LYSMD4: variants seen among roughly 807,000 people sequenced by gnomAD.
LYSMD4 encodes the protein LysM domain containing 4, also known as lysM and putative peptidoglycan-binding domain-containing protein 4.
In LYSMD4, 9 loss-of-function variants were observed where a neutral mutation model predicts 6.1. The observed-to-expected ratio is 1.47, with a 90% CI of 0.88 to 2.56. The LOEUF (loss-of-function observed/expected upper bound fraction) is 2.56, where lower values mean the gene tolerates loss of function less well. Ranked by LOEUF, LYSMD4 falls within the 30% of genes most tolerant of loss-of-function variation. The pLI is 0.00. For missense variants in LYSMD4, 384 were observed against 373.5 expected, an observed-to-expected ratio of 1.03 and a Z score of -0.23; for synonymous variants, 143 against 148.5, an observed-to-expected ratio of 0.96 and a Z score of 0.27.
At chr15:99,721,100 CG>C (rs11400710), upstream of LYSMD4, 1 of 151,954 alleles carries the variant, frequency 6.6e-6, no homozygotes. Flanking sequence ...TGGTTTACCT[CG>C]GGGTGCTAGA....
At chr15:99,733,045 C>G (rs1400004524) in intron 1 of LYSMD4, 2 of 306,814 alleles carry the variant, frequency 6.5e-6, no homozygotes, top group East Asian at 1.0e-4. Context: ...AAAGATGGGG[C>G]ACCTCAACAA....
chr15:99,732,130 ACAT>A lies in LYSMD4; in HGVS notation c.-8-126_-8-124del, dbSNP rs1010708527. ...CCTAATCGCTGCAAATACTCAGCAT[ACAT>A]CATCAACAGAAAAAAAAGAATGTGC... On this transcript the variant is annotated intron_variant, in intron 1 of 2. Coordinates refer to ENST00000684762, the MANE Select transcript of LYSMD4 (RefSeq NM_001284417.2). 58 of 1,015,414 alleles carry A rather than the reference ACAT, an allele frequency of 5.7e-5. No individual in the cohort carries two copies. The African/African-American group carries it at 8.0e-4, about 14-fold the overall frequency. 62.9% of individuals were successfully genotyped at this position (1,015,414 alleles called of 1,614,324 possible). A position where few individuals can be genotyped will look rare whatever the true frequency, so the allele number is the denominator to read the frequency against.
chr15:99,731,674 T>C lies in LYSMD4; in HGVS notation c.282+44A>G, dbSNP rs747590445. On this transcript the variant is annotated intron_variant, in intron 2 of 2. Coordinates refer to ENST00000684762, the MANE Select transcript of LYSMD4 (RefSeq NM_001284417.2). The stretch of plus-strand genomic sequence containing the variant: ...CCCACCCTGCAGTGAGTTCCCCGTG[T>C]TCCTTGAAACGGAGCGGGGCAGGGC... 8 of 1,535,682 alleles carry C rather than the reference T, an allele frequency of 5.2e-6. No homozygotes were observed. In the Admixed American group the frequency reaches 1.6e-4, roughly 31 times the overall value.
At chr15:99,733,211 C>T (rs976338026) in intron 1 of LYSMD4, 134 bp downstream of exon 1, 6 of 374,202 alleles carry the variant, frequency 1.6e-5, no homozygotes, top group Non-Finnish European at 2.8e-5. Flanking sequence ...GCCCCTCCAG[C>T]TGGAGCGTCC....
chr15:99,721,308 G>C (rs2059236086), upstream of LYSMD4, among the ~76,000 whole-genome samples: 1 of 152,294 alleles, frequency 6.6e-6, no homozygotes, highest in East Asian at 1.9e-4. Context: ...AGAAGCAGGA[G>C]GATTTAGGGA....
chr15:99,729,673 T>C lies in LYSMD4; in HGVS notation c.341A>G (p.Lys114Arg), dbSNP rs749373942. ...GTTTCTCACTGGAATCTTAACAGAT[T>C]TCAAAGCATATAAGTCTTGTTCTCT... Reference protein sequence around the residue: ...FIREQDLYALKSVKIPVRNHG... With the variant: ...FIREQDLYALRSVKIPVRNHG... The change falls in exon 3 of 3, where the codon AAA (lysine) becomes AGA (arginine). Residue 114 changes from lysine (K) to arginine (R), a missense_variant. Physicochemically the swap from Lys to Arg is conservative, Grantham distance 26 (BLOSUM62 2). Coordinates refer to ENST00000684762, the MANE Select transcript of LYSMD4 (RefSeq NM_001284417.2). 23 of 1,613,894 alleles carry C rather than the reference T, an allele frequency of 1.4e-5. No homozygotes were observed. The highest frequency in any genetic ancestry group is 1.9e-5 in the Non-Finnish European group (23 of 1,179,954).
downstream of LYSMD4, among the ~76,000 whole-genome samples, chr15:99,722,748 C>T (rs573479383): frequency 2.6e-5 from 4 of 152,242 alleles, no homozygotes; most frequent in South Asian, 2.1e-4. Context: ...GTAAAAGATG[C>T]GTTGGGCCAG....
At chr15:99,716,585 C>T in exon 1 of LYSMD4, 3 of 456,732 alleles carry the variant, frequency 6.6e-6, no homozygotes, top group Non-Finnish European at 1.3e-5. Context: ...TCATTCCTTT[C>T]ACGAAGACCT....
chr15:99,733,249 G>A (rs1597397490), intron 1 of LYSMD4, 96 bp downstream of exon 1: 1 of 380,128 alleles, frequency 2.6e-6, no homozygotes, highest in East Asian at 3.8e-5. Context: ...GGGGCGGCCC[G>A]CCCGCGAACC....
Position 99,727,475 on chromosome 15 carries a change from A to C in LYSMD4, c.*1648T>G, listed in dbSNP as rs1450842034. On this transcript the variant is annotated 3_prime_UTR_variant, in exon 3 of 3. Transcript: ENST00000684762. ...AAGGATACATTCTTTGTCTGACAAA[A>C]GTGATTTTGTCATGGAACTCCAAGG... 1 of 152,208 alleles carries C rather than the reference A, an allele frequency of 6.6e-6. No individual in the cohort carries two copies. Among genetic ancestry groups the C allele is most frequent in the African/African-American group, 2.4e-5 (1 of 41,458 alleles). The allele number at this position is 152,208 out of a possible 1,614,324, so 9.4% of individuals were successfully genotyped here. A position where few individuals can be genotyped will look rare whatever the true frequency, so the allele number is the denominator to read the frequency against.
At chr15:99,716,351 G>T in exon 1 of LYSMD4, 1 of 352,816 alleles carries the variant, frequency 2.8e-6, no homozygotes, top group South Asian at 2.2e-5. Context: ...ATTTTTCCCT[G>T]AATGTGTTGT....
At position 99,728,416 on chromosome 15, in the gene LYSMD4, T is replaced by G. The variant is rs1265672439; in HGVS notation, c.*707A>C. 1 of 152,808 alleles carries G rather than the reference T, an allele frequency of 6.5e-6. No homozygotes were observed. The highest frequency in any genetic ancestry group is 6.5e-5 in the Admixed American group (1 of 15,314). The allele number at this position is 152,808 out of a possible 1,614,324, so 9.5% of individuals were successfully genotyped here. A position where few individuals can be genotyped will look rare whatever the true frequency, so the allele number is the denominator to read the frequency against. ...CGCTGTGGGACGGCTCCTGCGGAAC[T>G]GGGCGCAGCCTGTGTGTGCTTGGCC... On this transcript the variant is annotated 3_prime_UTR_variant, in exon 3 of 3. Coordinates refer to ENST00000684762, the MANE Select transcript of LYSMD4 (RefSeq NM_001284417.2).
chr15:99,732,136 T>A (rs1567558464), intron 1 of LYSMD4, 129 bp from the exon 2 acceptor site: 2 of 948,598 alleles, frequency 2.1e-6, no homozygotes, highest in East Asian at 2.7e-5. Context: ...GCATACATCA[T>A]CAACAGAAAA....
At chr15:99,721,253 C>A (rs541816940), upstream of LYSMD4, among the ~76,000 whole-genome samples, 1 of 152,120 alleles carries the variant, frequency 6.6e-6, no homozygotes, top group African/African-American at 2.4e-5. Context: ...GATGATGCAA[C>A]AAGGAAATGG....
At chr15:99,726,076 C>T (rs2059277287), downstream of LYSMD4, among the ~76,000 whole-genome samples, 1 of 150,486 alleles carries the variant, frequency 6.6e-6, no homozygotes, top group South Asian at 2.1e-4. Context: ...CAGTCTTCCC[C>T]AAAGAGGAAA....
At chr15:99,729,756 C>A (rs2059358482) in intron 2 of LYSMD4, 25 bp from the exon 3 acceptor site, 1 of 1,574,200 alleles carries the variant, frequency 6.4e-7, no homozygotes, top group Non-Finnish European at 8.6e-7. Context: ...AGATAAACAT[C>A]ATAAAATATG....
downstream of LYSMD4, among the ~76,000 whole-genome samples, chr15:99,723,041 T>G (rs113488143): frequency 0.019 from 2,868 of 151,550 alleles, 44 homozygotes; most frequent in African/African-American, 0.041. Flanking sequence ...GTTTTGTTTT[T>G]TTTTTAAAAA....
In LYSMD4 at chr15:99,729,141, G is replaced by A. The variant is rs754267618; in HGVS notation, c.873C>T (p.Thr291=). 3.3e-5 allele frequency: 54 copies of A among 1,613,458 alleles called. No homozygotes were observed. The South Asian group carries it at 5.8e-4, about 17-fold the overall frequency. ...ACAAAGCTTAGCTCCCCGCTTGGGT[G>A]GTCTGACTGAACTGGCTGTCTGCAG... ...VTSADSQFSQ[T]TQAGS is the part of the protein sequence containing the mutation. The change falls in exon 3 of 3, where the codon ACC becomes ACT. Residue 291 remains threonine, a synonymous_variant. Transcript: ENST00000684762.
At chr15:99,720,750 G>A (rs900473685), upstream of LYSMD4, 1 of 152,102 alleles carries the variant, frequency 6.6e-6, no homozygotes, top group African/African-American at 2.4e-5. Context: ...TTTCCATTGA[G>A]AAAATAGATG....
Sources: allele counts gnomAD v4.1 joint callset (sites outside exome capture counted in the v4.1 genomes callset), GRCh38; gene constraint gnomAD v4.1.1; transcripts MANE v1.5; gene names NCBI Gene and HGNC (gene_info 2026-07-23, HGNC 2026-07-21).